The following ASIC2 variants were observed in gnomAD, a reference collection of about 807,000 sequenced individuals.
The protein encoded by ASIC2 is acid sensing ion channel subunit 2.
In ASIC2, 25 loss-of-function variants were observed where a neutral mutation model predicts 57.3. That is an observed-to-expected ratio of 0.44 (90% CI 0.32 to 0.61). The LOEUF is 0.61. Among genes scored for constraint, ASIC2 ranks in the 20% least tolerant of loss-of-function variants. The pLI is 0.06. For synonymous variants in ASIC2, 319 were observed against 307.5 expected (o/e 1.04, Z -0.39); for missense variants, 641 against 738.1 (o/e 0.87, Z 1.52).
chr17:33,333,912 G>T (rs971955465), intron 1 of ASIC2, among the ~76,000 whole-genome samples: 1 of 152,214 alleles, frequency 6.6e-6, no homozygotes, highest in African/African-American at 2.4e-5. Flanking sequence ...CTGGACTGGG[G>T]CTGCTCCTTA....
At chr17:33,255,690 TG>T (rs1445835213) in intron 1 of ASIC2, among the ~76,000 whole-genome samples, 1 of 152,146 alleles carries the variant, frequency 6.6e-6, no homozygotes. Context: ...TGTGCCACTA[TG>T]GTAAATTCTC....
chr17:33,294,049 C>T (rs565167165), upstream of ASIC2, among the ~76,000 whole-genome samples: 4 of 152,288 alleles, frequency 2.6e-5, no homozygotes, highest in African/African-American at 9.6e-5. Flanking sequence ...CAGCCCCTTC[C>T]CTGGAAGTGC....
chr17:33,188,446 T>C (rs1026498570), intron 1 of ASIC2, among the ~76,000 whole-genome samples: 10 of 152,186 alleles, frequency 6.6e-5, no homozygotes, highest in African/African-American at 2.2e-4. Flanking sequence ...TTTAAACCCA[T>C]ATAGATGCAA....
At chr17:33,294,737 C>T (rs1248650236), upstream of ASIC2, among the ~76,000 whole-genome samples, 5 of 152,128 alleles carry the variant, frequency 3.3e-5, no homozygotes, top group Non-Finnish European at 5.9e-5. Flanking sequence ...ACACACAACA[C>T]ACATACATAT....
intron 1 of ASIC2, among the ~76,000 whole-genome samples, chr17:34,138,754 A>C (rs1485192660): frequency 6.6e-6 from 1 of 151,974 alleles, no homozygotes; most frequent in African/African-American, 2.4e-5. Context: ...AGTCCTACCA[A>C]CCTTCGCTCT....
chr17:33,236,204 T>C (rs1908291247), intron 1 of ASIC2, among the ~76,000 whole-genome samples: 1 of 152,082 alleles, frequency 6.6e-6, no homozygotes, highest in Admixed American at 6.6e-5. Context: ...ATGGGGTGAA[T>C]GTATTTTGCA....
chr17:33,085,887 C>T (rs757038338), intron 3 of ASIC2, among the ~76,000 whole-genome samples: 44 of 151,972 alleles, frequency 2.9e-4, no homozygotes, highest in Admixed American at 2.0e-4. Context: ...TGAGATGATG[C>T]GGAAATGCTT....
At chr17:34,035,701 C>G (rs1597985731) in intron 1 of ASIC2, among the ~76,000 whole-genome samples, 1 of 151,824 alleles carries the variant, frequency 6.6e-6, no homozygotes, top group South Asian at 2.1e-4. Context: ...AAACAAACAA[C>G]CCCATCAAAA....
chr17:34,093,344 A>G (rs1368011332), intron 1 of ASIC2, among the ~76,000 whole-genome samples: 2 of 152,010 alleles, frequency 1.3e-5, no homozygotes, highest in African/African-American at 4.8e-5. Context: ...CTGGTTTGGG[A>G]ATTGCCAACT....
At chr17:33,881,915 T>C (rs1362119942) in intron 1 of ASIC2, among the ~76,000 whole-genome samples, 2 of 152,160 alleles carry the variant, frequency 1.3e-5, no homozygotes, top group African/African-American at 2.4e-5. Context: ...AACAGAGATA[T>C]AGACCAATGG....
At chr17:33,845,783 G>A (rs34604750) in intron 1 of ASIC2, among the ~76,000 whole-genome samples, 3,845 of 152,064 alleles carry the variant, frequency 0.025, 180 homozygotes, top group African/African-American at 0.089. Flanking sequence ...ATATCTTATC[G>A]TATATTGTGA....
chr17:33,028,422 C>A (rs1342229491), intron 3 of ASIC2, 30 bp from the exon 4 acceptor site: 9 of 1,612,804 alleles, frequency 5.6e-6, no homozygotes, highest in Non-Finnish European at 7.6e-6. Flanking sequence ...GGGCGGCAGT[C>A]AGCCTCAACA....
intron 3 of ASIC2, among the ~76,000 whole-genome samples, chr17:33,061,943 T>C (rs1006748566): frequency 2.0e-5 from 3 of 152,222 alleles, no homozygotes; most frequent in Non-Finnish European, 4.4e-5. Flanking sequence ...TCTAGTTTAT[T>C]TGCGTAGAGG....
At chr17:33,799,442 C>CTTTCTTT (rs1567719122) in intron 1 of ASIC2, among the ~76,000 whole-genome samples, 2 of 68,154 alleles carry the variant, frequency 2.9e-5, no homozygotes, top group African/African-American at 5.9e-5. Flanking sequence ...TTCTTTCTTT[C>CTTTCTTT]TTTCTTTCTT....
At chr17:33,840,486 TGAG>T (rs1044327548) in intron 1 of ASIC2, among the ~76,000 whole-genome samples, 9 of 152,204 alleles carry the variant, frequency 5.9e-5, no homozygotes, top group Non-Finnish European at 1.0e-4. Context: ...ATGTCCAGAA[TGAG>T]AATTGTGAGT....
intron 1 of ASIC2, among the ~76,000 whole-genome samples, chr17:33,415,613 A>C (rs1346757284): frequency 6.6e-6 from 1 of 152,112 alleles, no homozygotes; most frequent in Non-Finnish European, 1.5e-5. Context: ...GCAGCCAGTC[A>C]GTATGCTGGG....
chr17:33,681,494 TA>T (rs5820057), intron 1 of ASIC2, among the ~76,000 whole-genome samples: 74,069 of 152,052 alleles, frequency 0.49, 21,357 homozygotes, highest in African/African-American at 0.82. Flanking sequence ...AGGGTGACCC[TA>T]ATTCTGGCCA....
At chr17:33,070,340 A>G (rs911848183) in intron 3 of ASIC2, among the ~76,000 whole-genome samples, 1 of 76,616 alleles carries the variant, frequency 1.3e-5, no homozygotes, top group Non-Finnish European at 2.3e-5. Context: ...TTTCGCCATT[A>G]CTTTTTTTTT....
chr17:33,625,346 A>G (rs1258528143), intron 1 of ASIC2, among the ~76,000 whole-genome samples: 1 of 152,182 alleles, frequency 6.6e-6, no homozygotes, highest in African/African-American at 2.4e-5. Context: ...GCTGGTCTCC[A>G]TCTAACAACC....
Sources: gnomAD v4.1 joint callset for allele counts (sites outside exome capture counted in the v4.1 genomes callset) on GRCh38, gnomAD v4.1.1 for gene constraint, MANE v1.5 for transcripts, NCBI Gene and HGNC (gene_info 2026-07-23, HGNC 2026-07-21) for gene names.